Variants in RNF144B observed in about 807,000 individuals in gnomAD.
The protein encoded by RNF144B is E3 ubiquitin-protein ligase RNF144B.
Under a neutral mutation model 40.2 loss-of-function variants are expected in RNF144B, and 25 were observed. The ratio of observed to expected loss-of-function variants is 0.62; its 90% CI spans 0.45 to 0.87. The LOEUF (loss-of-function observed/expected upper bound fraction) is 0.87, where lower values mean the gene tolerates loss of function less well. Ranked by LOEUF, RNF144B falls within the 40% of genes least tolerant of loss-of-function variation. The pLI is 0.00. For missense variants in RNF144B, 365 were observed against 373.7 expected, an observed-to-expected ratio of 0.98 and a Z score of 0.19; for synonymous variants, 145 against 136.3, an observed-to-expected ratio of 1.06 and a Z score of -0.44.
intron 2 of RNF144B, 135 bp from the exon 3 acceptor site, chr6:18,427,446 T>G (rs1477251074): frequency 1.7e-6 from 1 of 575,282 alleles, no homozygotes; most frequent in Middle Eastern, 3.5e-4. Context: ...TTCACACTTG[T>G]GATAACTTAT....
chr6:18,403,147 A>C (rs1794825434), intron 2 of RNF144B, among the ~76,000 whole-genome samples: 1 of 152,212 alleles, frequency 6.6e-6, no homozygotes, highest in Admixed American at 6.5e-5. Context: ...CAAATATGAA[A>C]ATTCTAACTT....
intron 4 of RNF144B, among the ~76,000 whole-genome samples, chr6:18,440,666 A>G (rs1423716219): frequency 3.3e-5 from 5 of 151,934 alleles, no homozygotes; most frequent in Non-Finnish European, 5.9e-5. Flanking sequence ...GAAAAAAGAA[A>G]AAAAACGTAC....
chr6:18,430,042 A>G (rs761076378), intron 3 of RNF144B, among the ~76,000 whole-genome samples: 15 of 152,154 alleles, frequency 9.9e-5, no homozygotes, highest in Non-Finnish European at 2.1e-4. Flanking sequence ...AAATCTATTA[A>G]ACATAAGTGA....
chr6:18,408,914 TCCA>T (rs1268629173), intron 2 of RNF144B, among the ~76,000 whole-genome samples: 1 of 148,994 alleles, frequency 6.7e-6, no homozygotes, highest in Non-Finnish European at 1.5e-5. Context: ...TGGTAATGCC[TCCA>T]CCTATATAGT....
rs1759423219 is a variant in RNF144B at position 18,460,334 on chromosome 6, G to A, written c.681+583G>A. 6.6e-6 allele frequency among the ~76,000 whole-genome samples: 1 copy of A among 152,156 alleles called. No individual in the cohort carries two copies. The highest frequency in any genetic ancestry group is 2.4e-5 in the African/African-American group (1 of 41,430). ...GCTCCCTCTGACCACAGCTGGGAAA[G>A]GTTCTCTGCCTGAAGGACCAATGTG... On this transcript the variant is annotated intron_variant, in intron 6 of 7. Transcript: ENST00000259939. The surrounding 1 kb of genome is among the most constrained non-coding windows in gnomAD (Gnocchi z 4.4).
At position 18,398,207 on chromosome 6, in the gene RNF144B, T is replaced by A. The variant is rs566241782; in HGVS notation, c.-36-1292T>A. On this transcript the variant is annotated intron_variant, in intron 1 of 7. Coordinates refer to ENST00000259939, the MANE Select transcript of RNF144B (RefSeq NM_182757.4). This position sits in a 1 kb window ranked among gnomAD's most constrained non-coding sequence, Gnocchi z 5.0. ...CTTTTTGTCTCTCAGAATTGACTAC[T>A]CTAGGTACCTCATTTAAGTGGAATC... Among the ~76,000 whole-genome samples the A allele has an allele frequency of 7.2e-5, 11 of 152,316 alleles. No homozygotes were observed. Among genetic ancestry groups the A allele is most frequent in the African/African-American group, 2.6e-4 (11 of 41,576 alleles).
chr6:18,453,267 T>C (rs1316964651), intron 4 of RNF144B, among the ~76,000 whole-genome samples: 1 of 150,846 alleles, frequency 6.6e-6, no homozygotes, highest in Non-Finnish European at 1.5e-5. Flanking sequence ...GCCTCCCTAG[T>C]AGCTGGGATC....
rs547549740 is a variant in RNF144B at position 18,411,230 on chromosome 6, G to A, written c.165+11531G>A. On this transcript the variant is annotated intron_variant, in intron 2 of 7. Transcript: ENST00000259939. ...GATCTCCTGATCTTATGATCTGCCTGCCTCGGCCTCCCAAAGTGCTGGGAT... is the reference window on the plus strand; with the variant it reads ...GATCTCCTGATCTTATGATCTGCCTACCTCGGCCTCCCAAAGTGCTGGGAT... Among the ~76,000 whole-genome samples, 4 of 151,612 alleles carry A rather than the reference G, an allele frequency of 2.6e-5. No homozygotes were observed. The East Asian group carries it at 7.8e-4, about 30-fold the overall frequency.
intron 4 of RNF144B, among the ~76,000 whole-genome samples, chr6:18,453,538 C>T (rs1924467): frequency 1.3e-5 from 2 of 151,710 alleles, no homozygotes; most frequent in Non-Finnish European, 2.9e-5. Flanking sequence ...AGCTATGTGG[C>T]GTTCAACTGT....
Position 18,419,882 on chromosome 6 carries a change from T to C in RNF144B, c.166-7699T>C, listed in dbSNP as rs1795221474. 6.6e-6 allele frequency among the ~76,000 whole-genome samples: 1 copy of C among 152,170 alleles called. No individual in the cohort carries two copies. The highest frequency in any genetic ancestry group is 2.4e-5 in the African/African-American group (1 of 41,446). ...CTTTGATTAGGATATTTTGAACATGTTCAAGTATAGACAGGACAAAATTCA... is the reference window on the plus strand; with the variant it reads ...CTTTGATTAGGATATTTTGAACATGCTCAAGTATAGACAGGACAAAATTCA... On this transcript the variant is annotated intron_variant, in intron 2 of 7. Coordinates refer to ENST00000259939, the MANE Select transcript of RNF144B (RefSeq NM_182757.4). The surrounding 1 kb of genome is among the most constrained non-coding windows in gnomAD (Gnocchi z 4.6).
intron 6 of RNF144B, among the ~76,000 whole-genome samples, chr6:18,462,247 C>G (rs542677832): frequency 6.6e-6 from 1 of 152,296 alleles, no homozygotes; most frequent in South Asian, 2.1e-4. Context: ...CGGATTGCCA[C>G]GTAGTCACAC....
chr6:18,447,755 G>A lies in RNF144B; in HGVS notation c.331+8011G>A, dbSNP rs1382333081. Among the ~76,000 whole-genome samples, 2 of 152,202 alleles carry A rather than the reference G, an allele frequency of 1.3e-5. No individual in the cohort carries two copies. The highest frequency in any genetic ancestry group is 1.9e-4 in the East Asian group (1 of 5,202). ...AGTAGTATAAACTTTGGAATCGTCA[G>A]CATAGAGGTCAGGTTTAAAGCTGTG... On this transcript the variant is annotated intron_variant, in intron 4 of 7. Transcript: ENST00000259939. The surrounding 1 kb of genome is among the most constrained non-coding windows in gnomAD (Gnocchi z 5.6).
intron 3 of RNF144B, among the ~76,000 whole-genome samples, chr6:18,437,025 A>T (rs1353226383): frequency 6.6e-6 from 1 of 151,508 alleles, no homozygotes; most frequent in Admixed American, 6.6e-5. Flanking sequence ...TGTAAATCTT[A>T]TGTTTATTGC....
Position 18,416,545 on chromosome 6 carries a change from G to A in RNF144B, c.166-11036G>A, listed in dbSNP as rs995269642. Among the ~76,000 whole-genome samples the A allele has an allele frequency of 5.9e-5, 9 of 152,196 alleles. No homozygotes were observed. Among genetic ancestry groups the A allele is most frequent in the Non-Finnish European group, 1.3e-4 (9 of 68,040 alleles). ...GTTGGTGGGAACTGGAGGTACTTTT[G>A]ATTGGAGTCCAGATTTAATCTCCCA... On this transcript the variant is annotated intron_variant, in intron 2 of 7. Coordinates refer to ENST00000259939, the MANE Select transcript of RNF144B (RefSeq NM_182757.4). This position sits in a 1 kb window ranked among gnomAD's most constrained non-coding sequence, Gnocchi z 5.5.
intron 6 of RNF144B, among the ~76,000 whole-genome samples, chr6:18,461,427 G>T (rs1759453066): frequency 1.3e-5 from 2 of 152,156 alleles, no homozygotes; most frequent in South Asian, 2.1e-4. Context: ...TTTCCTTCAG[G>T]TTTCACCAGA....
chr6:18,387,706 C>T (rs1018348152), intron 1 of RNF144B, 76 bp downstream of exon 1: 2 of 1,198,030 alleles, frequency 1.7e-6, no homozygotes, highest in African/African-American at 1.6e-5. Flanking sequence ...GGAAAAAGGA[C>T]AGGAAACTCA....
chr6:18,446,746 G>T lies in RNF144B; in HGVS notation c.331+7002G>T, dbSNP rs148776999. ...AGACATTTTTGATCGTCACGACTTG[G>T]GTAGGAAGCTACTGGCAGCTAGTGG... On this transcript the variant is annotated intron_variant, in intron 4 of 7. Coordinates refer to ENST00000259939, the MANE Select transcript of RNF144B (RefSeq NM_182757.4). This position sits in a 1 kb window ranked among gnomAD's most constrained non-coding sequence, Gnocchi z 4.7. 2.5e-3 allele frequency among the ~76,000 whole-genome samples: 375 copies of T among 152,130 alleles called. 2 individuals carry two copies. Among genetic ancestry groups the T allele is most frequent in the Admixed American group, 0.019 (296 of 15,268 alleles).
chr6:18,411,497 A>ATTT (rs1197413176), intron 2 of RNF144B, among the ~76,000 whole-genome samples: 1 of 29,784 alleles, frequency 3.4e-5, no homozygotes, highest in Non-Finnish European at 5.5e-5. Flanking sequence ...ATATATATAT[A>ATTT]TTTTTTTTTT....
chr6:18,420,158 A>AT (rs10635749), intron 2 of RNF144B, among the ~76,000 whole-genome samples: 56,258 of 150,560 alleles, frequency 0.37, 10,553 homozygotes, highest in Admixed American at 0.48. Context: ...CGGGTTTCTG[A>AT]TTTTTTTTTT....
Sources: gnomAD v4.1 joint callset for allele counts (sites outside exome capture counted in the v4.1 genomes callset) on GRCh38, gnomAD v4.1.1 for gene constraint, Gnocchi (gnomAD v3.1) non-coding constraint, MANE v1.5 for transcripts, NCBI Gene and HGNC (gene_info 2026-07-23, HGNC 2026-07-21) for gene names.